Variants in BROX observed in about 807,000 individuals in gnomAD.
The protein encoded by BROX is BRO1 domain and CAAX motif containing, also known as BRO1 domain-containing protein BROX.
BROX carries 53 observed loss-of-function variants against 61.0 expected under a neutral mutation model. The observed-to-expected ratio is 0.87, with a 90% CI of 0.70 to 1.09. The LOEUF is 1.09. BROX is among the 50% of genes least tolerant of loss of function. The pLI, the probability that BROX is intolerant of heterozygous loss-of-function variation, is 0.00. For missense variants in BROX, 489 were observed against 472.0 expected (o/e 1.04, Z -0.33); for synonymous variants, 152 against 160.2 (o/e 0.95, Z 0.38).
intron 6 of BROX, among the ~76,000 whole-genome samples, chr1:222,724,876 C>A (rs1175576030): frequency 1.3e-5 from 2 of 151,976 alleles, no homozygotes; most frequent in African/African-American, 2.4e-5. Context: ...CTCACTGCAA[C>A]CTCTGCCTCC....
Position 222,712,610 on chromosome 1 carries a change from C to T in BROX, c.-349C>T. On this transcript the variant is annotated 5_prime_UTR_variant, in exon 1 of 13. Transcript: ENST00000340934. ...GCTATTGCGGCATTCTCCCTCGGCT[C>T]CGGAGGTAGGGGCAACTCTTCTCTT... is the stretch of plus-strand genomic sequence containing the variant. 7.4e-7 allele frequency: 1 copy of T among 1,343,282 alleles called. No individual in the cohort carries two copies. The highest frequency in any genetic ancestry group is 3.6e-5 in the East Asian group (1 of 27,646). 83.2% of individuals were successfully genotyped at this position (1,343,282 alleles called of 1,614,324 possible). A position where few individuals can be genotyped will look rare whatever the true frequency, so the allele number is the denominator to read the frequency against.
At chr1:222,725,669 G>A (rs530874472) in intron 7 of BROX, 114 bp downstream of exon 7, 1 of 759,896 alleles carries the variant, frequency 1.3e-6, no homozygotes, top group South Asian at 2.3e-5. Flanking sequence ...CAGCACTTTG[G>A]GAGGTCTAGG....
At position 222,712,706 on chromosome 1, in the gene BROX, G is replaced by A. The variant is rs1374328255; in HGVS notation, c.-253G>A. The A allele has an allele frequency of 9.3e-6, 12 of 1,291,176 alleles. No individual in the cohort carries two copies. The South Asian group carries it at 9.9e-5, about 11-fold the overall frequency. The allele number at this position is 1,291,176 out of a possible 1,614,324, so 80.0% of individuals were successfully genotyped here. On this transcript the variant is annotated 5_prime_UTR_variant, in exon 1 of 13. Transcript: ENST00000340934. ...AAGTTAGAAAGGGATGATGAACGAA[G>A]CGTTTTGAGGGGACTGCAACGCCGC...
intron 10 of BROX, 143 bp downstream of exon 10, chr1:222,729,844 A>T (rs1657806135): frequency 1.9e-6 from 2 of 1,061,912 alleles, no homozygotes; most frequent in Non-Finnish European, 2.7e-6. Flanking sequence ...AAAGAAAAAA[A>T]TGTTTCAGAA....
rs753501875 is a variant in BROX, at chr1:222,729,702, G to GT, written c.838+2dup. 9 of 1,607,470 alleles carry GT rather than the reference G, an allele frequency of 5.6e-6. No individual in the cohort carries two copies. The East Asian group carries it at 1.6e-4, about 28-fold the overall frequency. ...AGGTCTCTCCAAGAAGCAGAAAAAT[G>GT]TAAGTTTTCCTGCCAGAATATTAAC... On this transcript the variant is annotated splice_donor_variant, in intron 10 of 12. Transcript: ENST00000340934. LOFTEE classifies it high-confidence loss of function.
Position 222,728,756 on chromosome 1 carries a change from C to T in BROX, c.684C>T (p.Ser228=). The T allele has an allele frequency of 6.3e-7, 1 of 1,593,138 alleles. No homozygotes were observed. Among genetic ancestry groups the T allele is most frequent in the Non-Finnish European group, 8.6e-7 (1 of 1,164,762 alleles). The change falls in exon 9 of 13, where the codon TCC becomes TCT. Residue 228 remains serine, a synonymous_variant. Coordinates refer to ENST00000340934, the MANE Select transcript of BROX (RefSeq NM_144695.4). ...NFYQKADHTL[S]SLEPAYSAKW... ...ATGTAACTTTAGATCATACTTTATCCAGTTTGGAGCCTGCATATTCTGCCA... is the reference window on the plus strand; with the variant it reads ...ATGTAACTTTAGATCATACTTTATCTAGTTTGGAGCCTGCATATTCTGCCA...
At chr1:222,730,596 A>C (rs1366090932) in intron 11 of BROX, among the ~76,000 whole-genome samples, 1 of 152,204 alleles carries the variant, frequency 6.6e-6, no homozygotes, top group African/African-American at 2.4e-5. Context: ...ACTGTCTCAA[A>C]TATATATAGT....
intron 3 of BROX, 29 bp from the exon 4 acceptor site, chr1:222,719,234 A>G (rs1350926246): frequency 6.7e-7 from 1 of 1,499,418 alleles, no homozygotes; most frequent in Non-Finnish European, 9.2e-7. Flanking sequence ...AATTCTTCTA[A>G]AACTAAAATG....
intron 1 of BROX, among the ~76,000 whole-genome samples, chr1:222,714,492 G>GTT (rs1052431146): frequency 7.4e-6 from 1 of 135,628 alleles, no homozygotes. Context: ...GCCACCGCGC[G>GTT]TTTTTTTTTT....
At chr1:222,714,408 C>G (rs1656383699) in intron 1 of BROX, among the ~76,000 whole-genome samples, 1 of 151,394 alleles carries the variant, frequency 6.6e-6, no homozygotes, top group African/African-American at 2.4e-5. Flanking sequence ...CCGTGTTAGC[C>G]AGGATGGTCT....
chr1:222,729,961 G>A, intron 10 of BROX, 66 bp from the exon 11 acceptor site: 1 of 1,485,528 alleles, frequency 6.7e-7, no homozygotes, highest in South Asian at 1.3e-5. Flanking sequence ...CCAGTTTAAA[G>A]CCTTGTAGGG....
chr1:222,717,156 G>C (rs1311856824), intron 2 of BROX, among the ~76,000 whole-genome samples: 1 of 152,154 alleles, frequency 6.6e-6, no homozygotes, highest in Non-Finnish European at 1.5e-5. Context: ...AGTCACTGTT[G>C]CATATTATTC....
At position 222,730,080 on chromosome 1, in the gene BROX, G is replaced by A; in HGVS notation, c.892G>A (p.Gly298Arg). 2 of 1,613,212 alleles carry A rather than the reference G, an allele frequency of 1.2e-6. No individual in the cohort carries two copies. Among genetic ancestry groups the A allele is most frequent in the Non-Finnish European group, 1.7e-6 (2 of 1,179,546 alleles). The change falls in exon 11 of 13, where the codon GGA (glycine) becomes AGA (arginine). Residue 298 changes from glycine (G) to arginine (R), a missense_variant. Coordinates refer to ENST00000340934, the MANE Select transcript of BROX (RefSeq NM_144695.4). The stretch of plus-strand genomic sequence containing the variant: ...AGAATATGGAGAAACCAAAGGACCT[G>A]GACCAACAGTCAAACCTTCAGGACA... ...CKEYGETKGP[G>R]PTVKPSGHLF...
At chr1:222,728,200 A>G (rs1657653597) in intron 8 of BROX, among the ~76,000 whole-genome samples, 1 of 152,190 alleles carries the variant, frequency 6.6e-6, no homozygotes. Context: ...TTAACTTAGC[A>G]CTTAAGAAAT....
chr1:222,723,200 T>G (rs910060618), intron 5 of BROX, among the ~76,000 whole-genome samples: 2 of 152,244 alleles, frequency 1.3e-5, no homozygotes, highest in African/African-American at 4.8e-5. Flanking sequence ...GCTACCATTG[T>G]GTATCTATGT....
In BROX at chr1:222,724,249, A is replaced by G; in HGVS notation, c.474+85A>G. The stretch of plus-strand genomic sequence containing the variant: ...TTCTTTTGGGAGGATATGGGGAAAG[A>G]ATTGTTTCATTATATTAAAAAAGGT... On this transcript the variant is annotated intron_variant, in intron 6 of 12. Coordinates refer to ENST00000340934, the MANE Select transcript of BROX (RefSeq NM_144695.4). The G allele has an allele frequency of 2.7e-6, 3 of 1,114,930 alleles. No homozygotes were observed. In the African/African-American group the frequency reaches 4.7e-5, roughly 18 times the overall value. The allele number at this position is 1,114,930 out of a possible 1,614,324, so 69.1% of individuals were successfully genotyped here.
chr1:222,717,226 A>C (rs1656699531), intron 2 of BROX, among the ~76,000 whole-genome samples: 1 of 152,232 alleles, frequency 6.6e-6, no homozygotes, highest in South Asian at 2.1e-4. Context: ...TGAGGGCTGA[A>C]TGAAAATAAG....
In BROX at chr1:222,730,063, G is replaced by A; in HGVS notation, c.875G>A (p.Gly292Glu). The part of the protein sequence containing the change: ...AKAEALCKEY[G>E]ETKGPGPTVK... ...GCAGAAGCACTGTGTAAAGAATATG[G>A]AGAAACCAAAGGACCTGGACCAACA... is the stretch of plus-strand genomic sequence containing the variant. The change falls in exon 11 of 13, where the codon GGA becomes GAA. Residue 292 changes from glycine to glutamate, a missense_variant. By Grantham distance (98) the Gly-to-Glu change is moderately conservative. Transcript: ENST00000340934. 6.2e-7 allele frequency: 1 copy of A among 1,612,624 alleles called. No homozygotes were observed.
intron 4 of BROX, among the ~76,000 whole-genome samples, chr1:222,720,569 T>C (rs1019347750): frequency 1.3e-5 from 2 of 152,166 alleles, no homozygotes; most frequent in African/African-American, 4.8e-5. Context: ...CCCAACACTT[T>C]GGGAGACCGA....
Sources: allele counts gnomAD v4.1 joint callset (sites outside exome capture counted in the v4.1 genomes callset), GRCh38; gene constraint gnomAD v4.1.1; transcripts MANE v1.5; gene names NCBI Gene and HGNC (gene_info 2026-07-23, HGNC 2026-07-21).